Variants in ABI3BP observed in about 807,000 individuals in gnomAD.
ABI3BP encodes the protein ABI family member 3 binding protein, also known as target of Nesh-SH3.
Under a neutral mutation model 268.6 loss-of-function variants are expected in ABI3BP, and 216 were observed. The observed-to-expected ratio is 0.80, with a 90% CI of 0.72 to 0.90. The LOEUF is 0.90. Among genes scored for constraint, ABI3BP ranks in the 40% least tolerant of loss-of-function variants. ABI3BP has a pLI of 0.00. For synonymous variants in ABI3BP, 730 were observed against 730.0 expected (o/e 1.00, Z 0.00); for missense variants, 2,090 against 2,182.4 (o/e 0.96, Z 0.84).
chr3:100,811,137 C>T (rs765631079), intron 48 of ABI3BP, 93 bp downstream of exon 48: 103 of 1,054,508 alleles, frequency 9.8e-5, no homozygotes, highest in Non-Finnish European at 1.1e-4. Context: ...GACGGTGTAA[C>T]ATGAATTCAC....
At chr3:100,841,032 C>T (rs1008240394) in intron 21 of ABI3BP, among the ~76,000 whole-genome samples, 174 bp from the exon 22 acceptor site, 3 of 151,754 alleles carry the variant, frequency 2.0e-5, no homozygotes, top group African/African-American at 4.8e-5. Context: ...CCTGTGTTTT[C>T]GACAAAGCGA....
chr3:100,769,440 G>C (rs1168383441), intron 62 of ABI3BP, among the ~76,000 whole-genome samples: 1 of 152,072 alleles, frequency 6.6e-6, no homozygotes, highest in Non-Finnish European at 1.5e-5. Context: ...AATCAGAAAG[G>C]CCAATTCTTC....
At chr3:100,896,762 T>C (rs2047908944) in intron 4 of ABI3BP, among the ~76,000 whole-genome samples, 1 of 152,124 alleles carries the variant, frequency 6.6e-6, no homozygotes, top group Non-Finnish European at 1.5e-5. Context: ...GCATGTTCTT[T>C]TGAGTCCATT....
intron 37 of ABI3BP, 143 bp downstream of exon 37, chr3:100,823,315 A>G: frequency 1.5e-6 from 1 of 670,350 alleles, no homozygotes. Context: ...TGCTTCTCTT[A>G]AAAACAACAG....
At chr3:100,885,613 A>G in intron 5 of ABI3BP, 25 bp from the exon 6 acceptor site, 4 of 1,399,206 alleles carry the variant, frequency 2.9e-6, no homozygotes, top group Non-Finnish European at 3.9e-6. Context: ...GAAAAATAAC[A>G]TTATTTTTAT....
At chr3:100,799,757 G>A (rs1415434335) in intron 51 of ABI3BP, among the ~76,000 whole-genome samples, 1 of 151,926 alleles carries the variant, frequency 6.6e-6, no homozygotes, top group South Asian at 2.1e-4. Flanking sequence ...TTGGATTTCC[G>A]GTTTCTTATT....
intron 51 of ABI3BP, among the ~76,000 whole-genome samples, chr3:100,804,362 T>A (rs1210092590): frequency 2.6e-5 from 4 of 152,156 alleles, no homozygotes; most frequent in African/African-American, 7.2e-5. Flanking sequence ...GGGAAAAAAC[T>A]CAATGTGGAC....
intron 57 of ABI3BP, among the ~76,000 whole-genome samples, chr3:100,786,106 G>A (rs2097033908): frequency 1.3e-5 from 2 of 152,122 alleles, no homozygotes; most frequent in Non-Finnish European, 2.9e-5. Context: ...GCCGTCTGCT[G>A]ACCTCACTCC....
In ABI3BP at chr3:100,912,358, T is replaced by C. The variant is rs183584897; in HGVS notation, c.260-9672A>G. 2.5e-3 allele frequency among the ~76,000 whole-genome samples: 360 copies of C among 142,084 alleles called. 1 individual carries two copies. The highest frequency in any genetic ancestry group is 9.0e-3 in the African/African-American group (340 of 37,690). The allele number at this position is 142,084 out of a possible 152,430, so 93.2% of individuals were successfully genotyped here. Reference sequence around the variant, plus strand: ...AGTCAAAGGAAGCTCTTTCCATAAGTATAAAACAAAAACCTCAAGGGATAC... The same window carrying C: ...AGTCAAAGGAAGCTCTTTCCATAAGCATAAAACAAAAACCTCAAGGGATAC... On this transcript the variant is annotated intron_variant, in intron 2 of 67. Coordinates refer to ENST00000471714, the MANE Select transcript of ABI3BP (RefSeq NM_001375547.2).
At chr3:100,933,216 TAAG>T (rs1310028914) in intron 1 of ABI3BP, among the ~76,000 whole-genome samples, 2 of 151,950 alleles carry the variant, frequency 1.3e-5, no homozygotes, top group Non-Finnish European at 2.9e-5. Context: ...ACAAAGAAAT[TAAG>T]ATTATTCTAA....
intron 1 of ABI3BP, among the ~76,000 whole-genome samples, chr3:100,975,331 C>T (rs775305005): frequency 2.0e-5 from 3 of 152,018 alleles, no homozygotes; most frequent in Non-Finnish European, 2.9e-5. Context: ...AATATACCTG[C>T]GCTTCTAGTA....
intron 3 of ABI3BP, among the ~76,000 whole-genome samples, 191 bp from the exon 4 acceptor site, chr3:100,899,085 T>C (rs1304788112): frequency 1.3e-5 from 2 of 152,238 alleles, no homozygotes; most frequent in Non-Finnish European, 2.9e-5. Context: ...AATACCTTTT[T>C]CAGATTTGTG....
chr3:100,810,690 C>T (rs1023617411), intron 48 of ABI3BP, among the ~76,000 whole-genome samples: 1 of 152,024 alleles, frequency 6.6e-6, no homozygotes, highest in Non-Finnish European at 1.5e-5. Flanking sequence ...GTTCTCATTT[C>T]ACATTAGAAC....
chr3:100,848,887 T>C lies in ABI3BP; in HGVS notation c.1502-12A>G. On this transcript the variant is annotated splice_polypyrimidine_tract_variant and intron_variant, in intron 17 of 67. Transcript: ENST00000471714. ...AGTTTGCTGGGGAGCTGAAAGAAGA[T>C]TTAATATAGCTTTGATAAATGATAT... 1 of 1,609,628 alleles carries C rather than the reference T, an allele frequency of 6.2e-7. No homozygotes were observed. The highest frequency in any genetic ancestry group is 8.5e-7 in the Non-Finnish European group (1 of 1,176,470).
chr3:100,823,364 T>C (rs1250085060), intron 37 of ABI3BP, 94 bp downstream of exon 37: 2 of 1,118,038 alleles, frequency 1.8e-6, no homozygotes, highest in African/African-American at 3.2e-5. Context: ...TGAATGGCCA[T>C]CAAGAATGAC....
At chr3:100,837,412 T>A in intron 26 of ABI3BP, 1 of 406,204 alleles carries the variant, frequency 2.5e-6, no homozygotes, top group Non-Finnish European at 4.3e-6. Flanking sequence ...AGAACTGTTA[T>A]ATAAATATCT....
chr3:100,799,164 C>T (rs988124705), intron 51 of ABI3BP, among the ~76,000 whole-genome samples: 2 of 151,980 alleles, frequency 1.3e-5, no homozygotes, highest in Non-Finnish European at 2.9e-5. Flanking sequence ...TCAAACAATC[C>T]CTCTCTCTTG....
chr3:100,818,441 G>T, intron 41 of ABI3BP, 84 bp downstream of exon 41: 4 of 1,114,358 alleles, frequency 3.6e-6, no homozygotes, highest in Non-Finnish European at 5.2e-6. Flanking sequence ...TGACAGGATG[G>T]TCTTATGATG....
chr3:100,847,838 T>C (rs145819168), intron 18 of ABI3BP, among the ~76,000 whole-genome samples, 165 bp from the exon 19 acceptor site: 39 of 152,328 alleles, frequency 2.6e-4, no homozygotes, highest in African/African-American at 8.7e-4. Context: ...CATAACAGTA[T>C]ACATCATACA....
Sources: gnomAD v4.1 joint callset for allele counts (sites outside exome capture counted in the v4.1 genomes callset) on GRCh38, gnomAD v4.1.1 for gene constraint, MANE v1.5 for transcripts, NCBI Gene and HGNC (gene_info 2026-07-23, HGNC 2026-07-21) for gene names.